Variants in PALLD observed in about 807,000 individuals in gnomAD.
The protein encoded by PALLD is palladin.
In PALLD, 61 loss-of-function variants were observed where a neutral mutation model predicts 123.5. The observed-to-expected ratio is 0.49, with a 90% CI of 0.40 to 0.61. PALLD has a LOEUF of 0.61. Among genes scored for constraint, PALLD ranks in the 20% least tolerant of loss-of-function variants. PALLD has a pLI of 0.00. For synonymous variants in PALLD, 465 were observed against 496.4 expected, an observed-to-expected ratio of 0.94 and a Z score of 0.84; for missense variants, 1,273 against 1,377.0, an observed-to-expected ratio of 0.92 and a Z score of 1.20.
chr4:168,544,627 A>G (rs1440328795), intron 2 of PALLD, among the ~76,000 whole-genome samples: 2 of 152,264 alleles, frequency 1.3e-5, no homozygotes, highest in East Asian at 1.9e-4. Context: ...ACTTAAGTGA[A>G]TTGCAAAATC....
At chr4:168,824,151 C>T (rs1743099197) in intron 10 of PALLD, among the ~76,000 whole-genome samples, 1 of 152,210 alleles carries the variant, frequency 6.6e-6, no homozygotes, top group Non-Finnish European at 1.5e-5. Context: ...TACAGAAGGC[C>T]TGGCTTTTAA....
At chr4:168,670,994 G>A (rs1399012360) in intron 3 of PALLD, among the ~76,000 whole-genome samples, 1 of 147,724 alleles carries the variant, frequency 6.8e-6, no homozygotes, top group Non-Finnish European at 1.5e-5. Context: ...CTCCAGCCTG[G>A]GCAACAGAGC....
intron 10 of PALLD, among the ~76,000 whole-genome samples, chr4:168,794,998 G>T (rs993037179): frequency 2.0e-5 from 3 of 152,152 alleles, no homozygotes; most frequent in Non-Finnish European, 2.9e-5. Context: ...TTTGGTGAGG[G>T]TTGGCTTCCT....
Position 168,887,116 on chromosome 4 carries a change from C to CAAAAA in PALLD, c.1965-3794_1965-3790dup, listed in dbSNP as rs755173931. Among the ~76,000 whole-genome samples the CAAAAA allele has an allele frequency of 5.3e-5, 5 of 94,542 alleles. 1 individual carries two copies. Among genetic ancestry groups the CAAAAA allele is most frequent in the Non-Finnish European group, 8.2e-5 (4 of 48,490 alleles). The allele number at this position is 94,542 out of a possible 152,430, so 62.0% of individuals were successfully genotyped here. On this transcript the variant is annotated intron_variant, in intron 10 of 21. Transcript: ENST00000505667. ...TAGGCAACAGAGTGAGACTCTGTCT[C>CAAAAA]AAAAAAAAAAAAAAAAGAAAAAGAA... is the stretch of plus-strand genomic sequence containing the variant.
chr4:168,926,545 AGTTT>A lies in PALLD; in HGVS notation c.*366_*369del, dbSNP rs1457571631. ...TTTTCTTACTTGATATACCAAACTT[AGTTT>A]AAGTAGATAATGCTAATACAAATAT... On this transcript the variant is annotated 3_prime_UTR_variant, in exon 22 of 22. Coordinates refer to ENST00000505667, the MANE Select transcript of PALLD (RefSeq NM_001166108.2). 7.6e-5 allele frequency: 44 copies of A among 575,472 alleles called. No homozygotes were observed. In the East Asian group the frequency reaches 1.2e-3, roughly 16 times the overall value. 35.6% of individuals were successfully genotyped at this position (575,472 alleles called of 1,614,324 possible). A position where few individuals can be genotyped will look rare whatever the true frequency, so the allele number is the denominator to read the frequency against.
At chr4:168,744,132 T>A (rs1788628021) in intron 10 of PALLD, among the ~76,000 whole-genome samples, 1 of 152,156 alleles carries the variant, frequency 6.6e-6, no homozygotes, top group African/African-American at 2.4e-5. Flanking sequence ...TCTGGGGCAG[T>A]CACTTCAGTC....
At chr4:168,890,446 T>C (rs1392837776) in intron 10 of PALLD, among the ~76,000 whole-genome samples, 1 of 152,204 alleles carries the variant, frequency 6.6e-6, no homozygotes, top group Non-Finnish European at 1.5e-5. Context: ...TATTGTTGAA[T>C]AATGATTACA....
In PALLD at chr4:168,708,119, T is replaced by G. The variant is rs1173704994; in HGVS notation, c.1502-909T>G. On this transcript the variant is annotated intron_variant, in intron 8 of 21. Transcript: ENST00000505667. ...ACCTTGGGCAAGTGAATTAACCTTA[T>G]TGTGCTTCCATTTTCTACCTATAAA... 3.9e-5 allele frequency among the ~76,000 whole-genome samples: 6 copies of G among 152,224 alleles called. No homozygotes were observed. The East Asian group carries it at 1.2e-3, about 29-fold the overall frequency.
chr4:168,532,242 C>T (rs534767779), intron 2 of PALLD, among the ~76,000 whole-genome samples: 4 of 152,290 alleles, frequency 2.6e-5, no homozygotes, highest in African/African-American at 9.6e-5. Context: ...CCATGCACAT[C>T]CCTGCAAGGG....
intron 2 of PALLD, among the ~76,000 whole-genome samples, chr4:168,558,892 CTT>C (rs1767589795): frequency 6.6e-6 from 1 of 152,072 alleles, no homozygotes. Context: ...CTAGGTGTGT[CTT>C]TTTTCTCTGT....
At chr4:168,518,203 G>A (rs1207128385) in intron 2 of PALLD, among the ~76,000 whole-genome samples, 2 of 152,024 alleles carry the variant, frequency 1.3e-5, no homozygotes, top group African/African-American at 4.8e-5. Flanking sequence ...CACCTTTAAT[G>A]TCTCCAGATC....
chr4:168,779,891 A>C (rs1735651934), intron 10 of PALLD, among the ~76,000 whole-genome samples: 1 of 149,994 alleles, frequency 6.7e-6, no homozygotes, highest in South Asian at 2.1e-4. Flanking sequence ...CTTCATTTCT[A>C]ATCTACTATA....
chr4:168,591,478 A>G (rs1265118514), intron 2 of PALLD, among the ~76,000 whole-genome samples: 1 of 152,178 alleles, frequency 6.6e-6, no homozygotes, highest in Non-Finnish European at 1.5e-5. Flanking sequence ...TGTGGGCATT[A>G]AAGACGTAAG....
intron 3 of PALLD, among the ~76,000 whole-genome samples, chr4:168,676,318 AT>A: frequency 6.6e-6 from 1 of 151,920 alleles, no homozygotes; most frequent in Non-Finnish European, 1.5e-5. Context: ...GGTTACTCTG[AT>A]CTGTAAATGA....
At chr4:168,779,543 G>T (rs1310547491) in intron 10 of PALLD, among the ~76,000 whole-genome samples, 1 of 151,264 alleles carries the variant, frequency 6.6e-6, no homozygotes, top group Admixed American at 6.6e-5. Context: ...ACACACATGT[G>T]CACACCCTTG....
chr4:168,866,592 A>G (rs1180260900), intron 10 of PALLD, among the ~76,000 whole-genome samples: 1 of 152,210 alleles, frequency 6.6e-6, no homozygotes, highest in Non-Finnish European at 1.5e-5. Flanking sequence ...CTGTAAACAC[A>G]TGATGTTTGT....
At chr4:168,621,775 G>T (rs1321646192) in intron 2 of PALLD, among the ~76,000 whole-genome samples, 1 of 152,134 alleles carries the variant, frequency 6.6e-6, no homozygotes, top group Non-Finnish European at 1.5e-5. Flanking sequence ...TTGTTAGGCG[G>T]CAGATAAGCA....
chr4:168,579,854 A>G (rs887752977), intron 2 of PALLD, among the ~76,000 whole-genome samples: 1 of 152,132 alleles, frequency 6.6e-6, no homozygotes, highest in African/African-American at 2.4e-5. Context: ...GCTAATTAAC[A>G]TATTCTCAGC....
chr4:168,824,542 A>C (rs1331445545), intron 10 of PALLD, among the ~76,000 whole-genome samples: 2 of 152,168 alleles, frequency 1.3e-5, no homozygotes, highest in Non-Finnish European at 2.9e-5. Context: ...AAATCATTGA[A>C]CTTTTTCTAA....
Sources: allele counts gnomAD v4.1 joint callset (sites outside exome capture counted in the v4.1 genomes callset), GRCh38; gene constraint gnomAD v4.1.1; transcripts MANE v1.5; gene names NCBI Gene and HGNC (gene_info 2026-07-23, HGNC 2026-07-21).